CNDP1: variants seen among roughly 807,000 people sequenced by gnomAD.
The protein encoded by CNDP1 is beta-Ala-His dipeptidase.
Under a neutral mutation model 58.1 loss-of-function variants are expected in CNDP1, and 44 were observed. The observed-to-expected ratio is 0.76, with a 90% CI of 0.60 to 0.97. The LOEUF is 0.97. CNDP1 is among the 50% of genes least tolerant of loss of function. CNDP1 has a pLI of 0.00. For missense variants in CNDP1, 616 were observed against 655.1 expected (o/e 0.94, Z 0.65); for synonymous variants, 254 against 252.6 (o/e 1.01, Z -0.05).
At position 74,545,349 on chromosome 18, in the gene CNDP1, G is replaced by A. The variant is rs1001094619; in HGVS notation, c.24+10658G>A. ...CTGGAGTCCACCCCCGCCTTTAACC[G>A]GGGACCTTGGTTCACAGGCACCAAG... On this transcript the variant is annotated intron_variant, in intron 1 of 11. Coordinates refer to ENST00000358821, the MANE Select transcript of CNDP1 (RefSeq NM_032649.6). The surrounding 1 kb of genome is among the most constrained non-coding windows in gnomAD (Gnocchi z 4.1). Among the ~76,000 whole-genome samples, 7 of 152,180 alleles carry A rather than the reference G, an allele frequency of 4.6e-5. No homozygotes were observed. The highest frequency in any genetic ancestry group is 1.9e-4 in the East Asian group (1 of 5,190).
intron 1 of CNDP1, among the ~76,000 whole-genome samples, 193 bp from the exon 2 acceptor site, chr18:74,556,145 C>T (rs1038281338): frequency 2.6e-5 from 4 of 152,184 alleles, no homozygotes; most frequent in Non-Finnish European, 5.9e-5. Context: ...AATTCTTTAG[C>T]ATTGGAAATA....
At chr18:74,556,761 C>T (rs1429744009) in intron 2 of CNDP1, among the ~76,000 whole-genome samples, 2 of 152,194 alleles carry the variant, frequency 1.3e-5, no homozygotes, top group African/African-American at 4.8e-5. Context: ...TGCCCTGGTC[C>T]ATCAGGTCGC....
At chr18:74,581,904 A>C (rs951615517) in intron 10 of CNDP1, among the ~76,000 whole-genome samples, 3 of 152,256 alleles carry the variant, frequency 2.0e-5, no homozygotes, top group Non-Finnish European at 2.9e-5. Flanking sequence ...GCCTGAGGCC[A>C]CATTGGCTAA....
chr18:74,577,290 A>C, intron 8 of CNDP1: 1 of 290,488 alleles, frequency 3.4e-6, no homozygotes, highest in Non-Finnish European at 6.3e-6. Flanking sequence ...ATGTTTTCCA[A>C]AGCTGTTCAT....
At position 74,541,933 on chromosome 18, in the gene CNDP1, G is replaced by A. The variant is rs533850602; in HGVS notation, c.24+7242G>A. On this transcript the variant is annotated intron_variant, in intron 1 of 11. Transcript: ENST00000358821. ...GTCCCCTGCTGACCTCAGAAGGAAT[G>A]GGGCGCATTGTGAAAGGGAGAGAAA... Among the ~76,000 whole-genome samples, 6 of 152,326 alleles carry A rather than the reference G, an allele frequency of 3.9e-5. No individual in the cohort carries two copies. In the South Asian group the frequency reaches 1.2e-3, roughly 32 times the overall value.
intron 1 of CNDP1, among the ~76,000 whole-genome samples, chr18:74,550,616 AC>A (rs1980876883): frequency 6.7e-6 from 1 of 148,522 alleles, no homozygotes; most frequent in African/African-American, 2.5e-5. Flanking sequence ...TTGCTCTGTC[AC>A]CCAGGCTGGA....
At chr18:74,578,451 G>A in intron 9 of CNDP1, 124 bp downstream of exon 9, 1 of 981,444 alleles carries the variant, frequency 1.0e-6, no homozygotes, top group Non-Finnish European at 1.5e-6. Flanking sequence ...AACACAAGAG[G>A]AGTGGAACAA....
At chr18:74,573,829 G>A (rs575134956) in intron 7 of CNDP1, among the ~76,000 whole-genome samples, 1 of 152,348 alleles carries the variant, frequency 6.6e-6, no homozygotes, top group African/African-American at 2.4e-5. Flanking sequence ...TGCTAAGGAA[G>A]AGTCGGCTCG....
chr18:74,574,656 G>A (rs1039726777), intron 7 of CNDP1: 2 of 152,218 alleles, frequency 1.3e-5, no homozygotes, highest in Non-Finnish European at 2.9e-5. Flanking sequence ...AAATGAACAG[G>A]AGGGGAGGGG....
intron 4 of CNDP1, chr18:74,561,241 C>G (rs1380268972): frequency 4.5e-6 from 2 of 448,312 alleles, no homozygotes; most frequent in Non-Finnish European, 8.0e-6. Flanking sequence ...ATGGCAAAAC[C>G]CTCTCTCTAC....
chr18:74,567,565 C>A, intron 6 of CNDP1, 132 bp downstream of exon 6: 1 of 774,806 alleles, frequency 1.3e-6, no homozygotes, highest in Non-Finnish European at 2.1e-6. Flanking sequence ...GGACACACGG[C>A]CTCAGGGGAG....
chr18:74,541,423 G>T (rs957269438), intron 1 of CNDP1, among the ~76,000 whole-genome samples: 6 of 152,220 alleles, frequency 3.9e-5, no homozygotes, highest in African/African-American at 1.4e-4. Context: ...GGCAGGTTCA[G>T]GAGCTGATGG....
chr18:74,574,691 C>T (rs1981582893), intron 7 of CNDP1: 1 of 152,190 alleles, frequency 6.6e-6, no homozygotes, highest in Non-Finnish European at 1.5e-5. Flanking sequence ...ATACTATTTT[C>T]ATTCAAATGC....
At chr18:74,539,669 G>A (rs963362816) in intron 1 of CNDP1, among the ~76,000 whole-genome samples, 6 of 152,226 alleles carry the variant, frequency 3.9e-5, no homozygotes, top group African/African-American at 1.2e-4. Flanking sequence ...TTGCAAGCGC[G>A]GTGGCCATGA....
At chr18:74,540,528 TATGTGAC>T in intron 1 of CNDP1, among the ~76,000 whole-genome samples, 1 of 152,286 alleles carries the variant, frequency 6.6e-6, no homozygotes, top group East Asian at 1.9e-4. Flanking sequence ...TGGCCCCCTG[TATGTGAC>T]ATAAGAGGGA....
chr18:74,570,689 T>A (rs1385865280), intron 6 of CNDP1, among the ~76,000 whole-genome samples: 1 of 151,898 alleles, frequency 6.6e-6, no homozygotes, highest in Non-Finnish European at 1.5e-5. Context: ...GAAGCTCAGG[T>A]AGAGGAAGGA....
At chr18:74,574,638 C>T (rs1981581451) in intron 7 of CNDP1, 6 of 152,126 alleles carry the variant, frequency 3.9e-5, no homozygotes. Flanking sequence ...GTCATGATTA[C>T]AAGAGGAAAA....
At chr18:74,544,548 C>T (rs910506347) in intron 1 of CNDP1, among the ~76,000 whole-genome samples, 28 of 151,954 alleles carry the variant, frequency 1.8e-4, no homozygotes, top group African/African-American at 5.6e-4. Flanking sequence ...GAAACCCCAT[C>T]TCTACTAAAA....
At chr18:74,546,272 G>T (rs549668788) in intron 1 of CNDP1, among the ~76,000 whole-genome samples, 4 of 152,286 alleles carry the variant, frequency 2.6e-5, no homozygotes, top group Non-Finnish European at 5.9e-5. Flanking sequence ...ACTGTGGGGA[G>T]TAAAAGTGTC....
Sources: gnomAD v4.1 joint callset for allele counts (sites outside exome capture counted in the v4.1 genomes callset) on GRCh38, gnomAD v4.1.1 for gene constraint, Gnocchi (gnomAD v3.1) non-coding constraint, MANE v1.5 for transcripts, NCBI Gene and HGNC (gene_info 2026-07-23, HGNC 2026-07-21) for gene names.